NTM: variants seen among roughly 807,000 people sequenced by gnomAD.
The protein encoded by NTM is neurotrimin.
In NTM, 13 loss-of-function variants were observed where a neutral mutation model predicts 42.1. The ratio of observed to expected loss-of-function variants is 0.31; its 90% CI spans 0.20 to 0.49. The LOEUF (loss-of-function observed/expected upper bound fraction) is 0.49. Ranked by LOEUF, NTM falls within the 20% of genes least tolerant of loss-of-function variation. The probability of loss-of-function intolerance (pLI) is 0.99; values close to 1 mark genes in which losing one functional copy is unlikely to be tolerated. For synonymous variants in NTM, 187 were observed against 179.2 expected (o/e 1.04, Z -0.35); for missense variants, 373 against 452.8 (o/e 0.82, Z 1.60).
chr11:132,288,626 T>TC (rs1591767173), intron 4 of NTM, among the ~76,000 whole-genome samples: 1 of 152,210 alleles, frequency 6.6e-6, no homozygotes, highest in East Asian at 1.9e-4. Context: ...TCTTTCTTTT[T>TC]CTTTTTTTTT....
intron 1 of NTM, among the ~76,000 whole-genome samples, chr11:131,730,733 G>GA (rs201445444): frequency 8.1e-6 from 1 of 123,520 alleles, no homozygotes; most frequent in Non-Finnish European, 1.8e-5. Flanking sequence ...AGAAGAAGAA[G>GA]AGAAGAAGAC....
chr11:131,681,043 T>G (rs1592519820), intron 1 of NTM, among the ~76,000 whole-genome samples: 1 of 36,442 alleles, frequency 2.7e-5, no homozygotes, highest in Non-Finnish European at 6.3e-5. Context: ...GCGTGTGTGT[T>G]TCTGTGTCTG....
chr11:132,124,610 C>T (rs527676047), intron 2 of NTM, among the ~76,000 whole-genome samples: 7 of 152,022 alleles, frequency 4.6e-5, no homozygotes, highest in African/African-American at 1.7e-4. Flanking sequence ...TTTTTGTGTA[C>T]GTGTGTGTGT....
intron 3 of NTM, among the ~76,000 whole-genome samples, chr11:132,181,955 T>TTTATTATTATTG (rs2077640934): frequency 7.1e-6 from 1 of 141,018 alleles, no homozygotes; most frequent in African/African-American, 2.6e-5. Context: ...CACTATCTAG[T>TTTATTATTATTG]TTATTATTAT....
chr11:132,170,159 C>T (rs1303773797), intron 3 of NTM, among the ~76,000 whole-genome samples: 8 of 152,172 alleles, frequency 5.3e-5, no homozygotes, highest in Non-Finnish European at 1.0e-4. Flanking sequence ...TTGATAGAAA[C>T]AATGTGAAGA....
Position 131,435,887 on chromosome 11 carries a change from A to G in NTM, c.82+64999A>G, listed in dbSNP as rs558339155. On this transcript the variant is annotated intron_variant, in intron 1 of 8. Coordinates refer to ENST00000683400, the MANE Select transcript of NTM (RefSeq NM_001352005.2). ...GCCAGTTTTCAAAGGGAATGCTTCCAGTTTTTGCCCATTCAGTATGATATT... is the reference window on the plus strand; with the variant it reads ...GCCAGTTTTCAAAGGGAATGCTTCCGGTTTTTGCCCATTCAGTATGATATT... Among the ~76,000 whole-genome samples, 139 of 152,330 alleles carry G rather than the reference A, an allele frequency of 9.1e-4. 1 individual carries two copies. Among genetic ancestry groups the G allele is most frequent in the African/African-American group, 3.2e-3 (131 of 41,578 alleles).
chr11:132,000,613 CAG>C (rs2069020214), intron 2 of NTM, among the ~76,000 whole-genome samples: 1 of 152,196 alleles, frequency 6.6e-6, no homozygotes, highest in Non-Finnish European at 1.5e-5. Flanking sequence ...GGACTAATGA[CAG>C]ACTCCTTCAG....
intron 1 of NTM, among the ~76,000 whole-genome samples, chr11:131,802,181 A>T (rs2092173554): frequency 6.6e-6 from 1 of 152,216 alleles, no homozygotes; most frequent in African/African-American, 2.4e-5. Context: ...TAGACATTTA[A>T]TACATGTGGG....
At chr11:131,931,465 A>G (rs1037815221) in intron 2 of NTM, among the ~76,000 whole-genome samples, 11 of 96,630 alleles carry the variant, frequency 1.1e-4, no homozygotes, top group Non-Finnish European at 2.0e-4. Context: ...ATAATAATAT[A>G]TACGTGTGTG....
intron 4 of NTM, among the ~76,000 whole-genome samples, chr11:132,232,875 G>A (rs369329034): frequency 9.5e-4 from 145 of 152,344 alleles, no homozygotes; most frequent in Non-Finnish European, 2.0e-3. Context: ...AGCAAAAAAC[G>A]TAAGCGGCGT....
chr11:132,154,056 T>G (rs1159350122), intron 3 of NTM, among the ~76,000 whole-genome samples: 1 of 152,102 alleles, frequency 6.6e-6, no homozygotes, highest in Non-Finnish European at 1.5e-5. Context: ...TGAACGTGTA[T>G]GTTGTGTTGG....
intron 7 of NTM, among the ~76,000 whole-genome samples, chr11:132,315,446 A>G (rs1440796896): frequency 1.3e-5 from 2 of 152,164 alleles, no homozygotes; most frequent in African/African-American, 4.8e-5. Context: ...TTCTCCCTAA[A>G]GGCCACAGGA....
At chr11:131,906,453 G>C (rs954008917) in intron 1 of NTM, among the ~76,000 whole-genome samples, 5 of 152,136 alleles carry the variant, frequency 3.3e-5, no homozygotes, top group Admixed American at 3.3e-4. Context: ...CTTAAGAAAT[G>C]AATGGATTAT....
intron 1 of NTM, among the ~76,000 whole-genome samples, chr11:131,546,929 T>C (rs906020459): frequency 1.3e-5 from 2 of 152,152 alleles, no homozygotes; most frequent in African/African-American, 4.8e-5. Context: ...GGCTGTCTTT[T>C]CCTTGTCCCT....
intron 2 of NTM, among the ~76,000 whole-genome samples, chr11:132,015,633 A>ATATTTTATTTTATTTTATTTTATTT (rs151321359): frequency 1.1e-3 from 163 of 143,166 alleles, no homozygotes; most frequent in South Asian, 6.8e-3. Context: ...TTATTCTTAG[A>ATATTTTATTTTATTTTATTTTATTT]TATTTTATTT....
chr11:132,276,970 A>G (rs770107142), intron 4 of NTM, among the ~76,000 whole-genome samples: 1 of 152,214 alleles, frequency 6.6e-6, no homozygotes, highest in Non-Finnish European at 1.5e-5. Context: ...TGTTGCTAGT[A>G]TATAGAAATA....
At chr11:131,953,203 G>GT (rs911088757) in intron 2 of NTM, among the ~76,000 whole-genome samples, 3 of 152,086 alleles carry the variant, frequency 2.0e-5, no homozygotes, top group African/African-American at 7.2e-5. Flanking sequence ...ACATTCATTG[G>GT]TTTTACAATA....
chr11:132,174,203 C>T lies in NTM; in HGVS notation c.400+27689C>T, dbSNP rs79700415. On this transcript the variant is annotated intron_variant, in intron 3 of 8. Coordinates refer to ENST00000683400, the MANE Select transcript of NTM (RefSeq NM_001352005.2). ...GATGGCATCCTACATTCTAGGCCCT[C>T]ACTGGGCACTGAGTAGCTGGGCAAA... is the stretch of plus-strand genomic sequence containing the variant. Among the ~76,000 whole-genome samples the T allele has an allele frequency of 2.8e-4, 43 of 152,336 alleles. 1 individual carries two copies. Among genetic ancestry groups the T allele is most frequent in the African/African-American group, 1.0e-3 (43 of 41,568 alleles).
At chr11:131,901,364 G>C (rs1252429049) in intron 1 of NTM, among the ~76,000 whole-genome samples, 1 of 152,090 alleles carries the variant, frequency 6.6e-6, no homozygotes, top group Non-Finnish European at 1.5e-5. Context: ...TTTTTCTAAA[G>C]TATCTTCCAT....
Sources: allele counts gnomAD v4.1 joint callset (sites outside exome capture counted in the v4.1 genomes callset), GRCh38; gene constraint gnomAD v4.1.1; transcripts MANE v1.5; gene names NCBI Gene and HGNC (gene_info 2026-07-23, HGNC 2026-07-21).